CDKAL1: variants seen among roughly 807,000 people sequenced by gnomAD.
CDKAL1 encodes threonylcarbamoyladenosine tRNA methylthiotransferase.
In CDKAL1, 32 loss-of-function variants were observed where a neutral mutation model predicts 68.2. The observed-to-expected ratio is 0.47, with a 90% CI of 0.35 to 0.63. The LOEUF is 0.63. Ranked by LOEUF, CDKAL1 falls within the 30% of genes least tolerant of loss-of-function variation. The pLI, the probability that CDKAL1 is intolerant of heterozygous loss-of-function variation, is 0.00. For missense variants in CDKAL1, 606 were observed against 696.7 expected (o/e 0.87, Z 1.47); for synonymous variants, 234 against 244.3 (o/e 0.96, Z 0.39).
intron 11 of CDKAL1, among the ~76,000 whole-genome samples, chr6:21,013,784 T>C (rs2494729): frequency 1.3e-5 from 2 of 152,154 alleles, no homozygotes; most frequent in Non-Finnish European, 2.9e-5. Context: ...ACTTTTAGAT[T>C]CTGTCACATA....
chr6:20,764,124 C>CA (rs1398328811), intron 7 of CDKAL1, among the ~76,000 whole-genome samples: 1 of 151,698 alleles, frequency 6.6e-6, no homozygotes, highest in African/African-American at 2.4e-5. Context: ...GCATTTCTTC[C>CA]AAAAAAAGTA....
chr6:20,812,427 G>A lies in CDKAL1; in HGVS notation c.638+31162G>A, dbSNP rs960022175. 2.6e-4 allele frequency among the ~76,000 whole-genome samples: 40 copies of A among 152,122 alleles called. 1 individual carries two copies. The highest frequency in any genetic ancestry group is 8.9e-4 in the African/African-American group (37 of 41,422). Reference sequence around the variant, plus strand: ...ATGCTGTCAGTAGTCTTTCTAGAGCGTTATTTGAAGAGTCCGACTTACGTA... The same window carrying A: ...ATGCTGTCAGTAGTCTTTCTAGAGCATTATTTGAAGAGTCCGACTTACGTA... On this transcript the variant is annotated intron_variant, in intron 8 of 15. Transcript: ENST00000274695.
At chr6:20,915,698 GAT>G (rs1002843045) in intron 9 of CDKAL1, among the ~76,000 whole-genome samples, 3 of 152,052 alleles carry the variant, frequency 2.0e-5, no homozygotes, top group African/African-American at 7.2e-5. Flanking sequence ...CTTACTCCTG[GAT>G]ATTTACACTA....
intron 9 of CDKAL1, among the ~76,000 whole-genome samples, chr6:20,869,766 A>G (rs1313984013): frequency 6.6e-6 from 1 of 152,222 alleles, no homozygotes; most frequent in Non-Finnish European, 1.5e-5. Context: ...CCTTATCAAT[A>G]TGAATATTAA....
At chr6:21,175,868 G>C (rs576606709) in intron 13 of CDKAL1, among the ~76,000 whole-genome samples, 37 of 152,362 alleles carry the variant, frequency 2.4e-4, no homozygotes, top group African/African-American at 8.7e-4. Flanking sequence ...GATTAATTAA[G>C]CATTTGTAAC....
chr6:21,037,994 C>T (rs1273759657), intron 11 of CDKAL1, among the ~76,000 whole-genome samples: 1 of 152,084 alleles, frequency 6.6e-6, no homozygotes, highest in African/African-American at 2.4e-5. Flanking sequence ...GTGTCAGGCA[C>T]CTGAGCTCTG....
chr6:20,695,441 G>GA (rs1771067860), intron 5 of CDKAL1, among the ~76,000 whole-genome samples: 1 of 152,132 alleles, frequency 6.6e-6, no homozygotes. Context: ...AGATGCTCTG[G>GA]ATGGACATCA....
chr6:21,182,032 C>A (rs894970324), intron 13 of CDKAL1, among the ~76,000 whole-genome samples: 24 of 152,142 alleles, frequency 1.6e-4, no homozygotes, highest in Non-Finnish European at 3.1e-4. Flanking sequence ...GCACCTAAGA[C>A]CTATATCTAA....
intron 12 of CDKAL1, among the ~76,000 whole-genome samples, chr6:21,073,947 T>G (rs2150947465): frequency 6.6e-6 from 1 of 152,334 alleles, no homozygotes; most frequent in Non-Finnish European, 1.5e-5. Context: ...GGCCAACTTG[T>G]GAAGCTGTTT....
intron 8 of CDKAL1, among the ~76,000 whole-genome samples, chr6:20,807,939 T>A (rs954175783): frequency 1.3e-5 from 2 of 152,226 alleles, no homozygotes; most frequent in Non-Finnish European, 2.9e-5. Context: ...TAATCTTCAT[T>A]GGGATTGATT....
At chr6:20,891,363 G>A (rs1761382776) in intron 9 of CDKAL1, among the ~76,000 whole-genome samples, 1 of 152,108 alleles carries the variant, frequency 6.6e-6, no homozygotes, top group Non-Finnish European at 1.5e-5. Flanking sequence ...CGGCAGGAAG[G>A]TGGGCATGCT....
intron 11 of CDKAL1, among the ~76,000 whole-genome samples, chr6:21,002,772 G>A (rs548414988): frequency 4.6e-5 from 7 of 152,134 alleles, no homozygotes; most frequent in African/African-American, 1.7e-4. Flanking sequence ...TGGATCTCCT[G>A]AGCTCAGGAG....
rs182363571 is a variant in CDKAL1 at position 20,750,541 on chromosome 6, T to A, written c.469-8054T>A. On this transcript the variant is annotated intron_variant, in intron 6 of 15. Coordinates refer to ENST00000274695, the MANE Select transcript of CDKAL1 (RefSeq NM_017774.3). ...TATGATCATTTAATAATAACCTCCA[T>A]GTGCATAGGAGAAGGGAGATTCATC... 6.8e-3 allele frequency among the ~76,000 whole-genome samples: 1,029 copies of A among 152,288 alleles called. 7 individuals are homozygous for A. The highest frequency in any genetic ancestry group is 0.01 in the Non-Finnish European group (713 of 68,012).
At chr6:21,130,210 A>T (rs1775232716) in intron 13 of CDKAL1, among the ~76,000 whole-genome samples, 1 of 144,782 alleles carries the variant, frequency 6.9e-6, no homozygotes, top group Non-Finnish European at 1.5e-5. Flanking sequence ...CTTGTAGCAA[A>T]TTGGACCTAA....
chr6:20,911,929 AT>A (rs1471350052), intron 9 of CDKAL1, among the ~76,000 whole-genome samples: 2 of 152,108 alleles, frequency 1.3e-5, no homozygotes, highest in Non-Finnish European at 2.9e-5. Flanking sequence ...GAGATTTATT[AT>A]TTTTATTGGG....
At chr6:21,023,152 C>A (rs1215151542) in intron 11 of CDKAL1, among the ~76,000 whole-genome samples, 1 of 151,282 alleles carries the variant, frequency 6.6e-6, no homozygotes, top group Non-Finnish European at 1.5e-5. Flanking sequence ...TACCATTAGC[C>A]TTTGAACATT....
chr6:21,046,922 C>T (rs752001645), intron 11 of CDKAL1, among the ~76,000 whole-genome samples: 3 of 152,210 alleles, frequency 2.0e-5, no homozygotes, highest in Admixed American at 6.5e-5. Flanking sequence ...ATCTCCTCCT[C>T]GTAAACCTTG....
chr6:20,669,364 T>C (rs1487460803), intron 5 of CDKAL1, among the ~76,000 whole-genome samples: 1 of 152,230 alleles, frequency 6.6e-6, no homozygotes, highest in Admixed American at 6.5e-5. Context: ...CATTTATTTA[T>C]GTATTCAATT....
intron 8 of CDKAL1, among the ~76,000 whole-genome samples, chr6:20,796,389 A>G (rs1776110390): frequency 6.6e-6 from 1 of 152,238 alleles, no homozygotes; most frequent in African/African-American, 2.4e-5. Flanking sequence ...TGGAAGATTC[A>G]GTATAGTAAA....
Sources: allele counts gnomAD v4.1 joint callset (sites outside exome capture counted in the v4.1 genomes callset), GRCh38; gene constraint gnomAD v4.1.1; transcripts MANE v1.5; gene names NCBI Gene and HGNC (gene_info 2026-07-23, HGNC 2026-07-21).